The following ZFP64 variants were observed in gnomAD, a reference collection of about 807,000 sequenced individuals.
ZFP64 encodes ZFP64 zinc finger protein, also known as zinc finger protein 64.
Under a neutral mutation model 51.6 loss-of-function variants are expected in ZFP64, and 14 were observed. The observed-to-expected ratio is 0.27, with a 90% CI of 0.18 to 0.42. ZFP64 has a LOEUF of 0.42. Ranked by LOEUF, ZFP64 falls within the 10% of genes least tolerant of loss-of-function variation. The pLI, the probability that ZFP64 is intolerant of heterozygous loss-of-function variation, is 1.00. For missense variants in ZFP64, 754 were observed against 906.8 expected, an observed-to-expected ratio of 0.83 and a Z score of 2.16; for synonymous variants, 375 against 361.4, an observed-to-expected ratio of 1.04 and a Z score of -0.43.
chr20:52,165,829 C>T (rs1254041993), intron 3 of ZFP64, 35 bp downstream of exon 3: 1 of 1,613,404 alleles, frequency 6.2e-7, no homozygotes, highest in East Asian at 2.2e-5. Context: ...AAATATCACA[C>T]CCTCTACACA....
chr20:52,147,735 C>T (rs1980591176), downstream of ZFP64, among the ~76,000 whole-genome samples: 1 of 152,124 alleles, frequency 6.6e-6, no homozygotes, highest in Admixed American at 6.5e-5. Context: ...AAACACAGGA[C>T]CGGGCACCGT....
At chr20:52,190,539 G>A (rs552723171) in intron 1 of ZFP64, among the ~76,000 whole-genome samples, 158 of 152,166 alleles carry the variant, frequency 1.0e-3, no homozygotes, top group Non-Finnish European at 2.0e-3. Context: ...TACCAGCACA[G>A]TCCCCCCTCC....
chr20:52,115,603 C>CGG (rs1978822058), intron 5 of ZFP64, among the ~76,000 whole-genome samples: 1 of 151,572 alleles, frequency 6.6e-6, no homozygotes, highest in Admixed American at 6.6e-5. Flanking sequence ...TTAGTAGAGA[C>CGG]GGGGTTTCAC....
chr20:52,171,425 ATGTGTC>A lies in ZFP64; in HGVS notation c.287-5406_287-5401del, dbSNP rs1263912704. On this transcript the variant is annotated intron_variant, in intron 2 of 5. Transcript: ENST00000216923. ...TATGTGTATGCGTATGTGTATGTGT[ATGTGTC>A]TGTGTGTGCGTATGTGTGAGCATGC... 7.9e-5 allele frequency among the ~76,000 whole-genome samples: 12 copies of A among 152,082 alleles called. No individual in the cohort carries two copies. The East Asian group carries it at 1.7e-3, about 22-fold the overall frequency.
chr20:52,169,501 G>A lies in ZFP64; in HGVS notation c.287-3476C>T, dbSNP rs185815237. Among the ~76,000 whole-genome samples the A allele has an allele frequency of 1.5e-4, 23 of 152,118 alleles. No individual in the cohort carries two copies. The South Asian group carries it at 4.6e-3, about 30-fold the overall frequency. On this transcript the variant is annotated intron_variant, in intron 2 of 5. Coordinates refer to ENST00000216923, the MANE Select transcript of ZFP64 (RefSeq NM_018197.3). ...AGGTCCTCCCTACAAGTCAGCTCGC[G>A]GGCTCCTCAGCACTCTCTTGAAAGG...
intron 6 of ZFP64, chr20:52,098,400 G>T (rs200816592): frequency 1.2e-6 from 2 of 1,610,182 alleles, no homozygotes; most frequent in South Asian, 1.1e-5. Flanking sequence ...TCAGTGCTTG[G>T]CTCAGAAGCG....
At chr20:52,140,512 G>T (rs1980202957) in intron 5 of ZFP64, among the ~76,000 whole-genome samples, 1 of 152,234 alleles carries the variant, frequency 6.6e-6, no homozygotes, top group Non-Finnish European at 1.5e-5. Flanking sequence ...CCACGACATT[G>T]TCTTCAGCCA....
At chr20:52,131,308 A>G (rs2122881941) in intron 5 of ZFP64, among the ~76,000 whole-genome samples, 1 of 152,166 alleles carries the variant, frequency 6.6e-6, no homozygotes, top group Admixed American at 6.5e-5. Context: ...AGAAAAGAAG[A>G]AAGAAAAGCA....
At chr20:52,103,686 G>A (rs1360893321) in intron 5 of ZFP64, among the ~76,000 whole-genome samples, 2 of 152,130 alleles carry the variant, frequency 1.3e-5, no homozygotes, top group Non-Finnish European at 2.9e-5. Flanking sequence ...AGCATCCCCA[G>A]TACCTCCCCA....
At position 52,191,012 on chromosome 20, in the gene ZFP64, C is replaced by T. The variant is rs1984329779; in HGVS notation, c.46+579G>A. On this transcript the variant is annotated intron_variant, in intron 1 of 5. Transcript: ENST00000216923. This position sits in a 1 kb window ranked among gnomAD's most constrained non-coding sequence, Gnocchi z 4.3. ...ACAATGCACCGGGAGAAACCAGGGA[C>T]TTGAAAAACGCTGATGTCCTCCTCG... is the stretch of plus-strand genomic sequence containing the variant. Among the ~76,000 whole-genome samples, 1 of 152,124 alleles carries T rather than the reference C, an allele frequency of 6.6e-6. No homozygotes were observed. Among genetic ancestry groups the T allele is most frequent in the South Asian group, 2.1e-4 (1 of 4,820 alleles).
intron 5 of ZFP64, among the ~76,000 whole-genome samples, chr20:52,129,358 A>T: frequency 6.8e-6 from 1 of 146,942 alleles, no homozygotes. Context: ...GGGTTTTGCT[A>T]TGTTGCCCAG....
At chr20:52,099,718 G>T (rs2079030393) in intron 5 of ZFP64, among the ~76,000 whole-genome samples, 2 of 152,154 alleles carry the variant, frequency 1.3e-5, no homozygotes, top group African/African-American at 4.8e-5. Context: ...AATAATCCAG[G>T]GCAGGGAGAG....
At chr20:52,190,043 C>G (rs1364788537) in intron 1 of ZFP64, among the ~76,000 whole-genome samples, 5 of 152,158 alleles carry the variant, frequency 3.3e-5, no homozygotes, top group Non-Finnish European at 5.9e-5. Context: ...CCAGGTCTAG[C>G]TAAGACAAGA....
At chr20:52,098,303 T>C (rs1384223805) in intron 6 of ZFP64, 9 of 1,254,098 alleles carry the variant, frequency 7.2e-6, no homozygotes, top group African/African-American at 6.0e-5. Flanking sequence ...GGGAAGGCTG[T>C]TGTGTGCTGA....
downstream of ZFP64, among the ~76,000 whole-genome samples, chr20:52,147,723 G>T (rs929309124): frequency 1.3e-5 from 2 of 152,040 alleles, no homozygotes; most frequent in Non-Finnish European, 2.9e-5. Context: ...GGAATAATAA[G>T]AAAACACAGG....
At chr20:52,129,080 ATTT>A (rs529069931) in intron 5 of ZFP64, among the ~76,000 whole-genome samples, 22 of 132,708 alleles carry the variant, frequency 1.7e-4, no homozygotes, top group Non-Finnish European at 1.7e-4. Context: ...CTCCTGGCTA[ATTT>A]TTTTTTTTTT....
rs146230861 is a variant in ZFP64, at chr20:52,169,066, G to A, written c.287-3041C>T. On this transcript the variant is annotated intron_variant, in intron 2 of 5. Transcript: ENST00000216923. Reference sequence around the variant, plus strand: ...TCAGGTTTGATCATTCACTATGGATGTGACCTCAGGCCAGTTATGTAACTT... The same window carrying A: ...TCAGGTTTGATCATTCACTATGGATATGACCTCAGGCCAGTTATGTAACTT... Among the ~76,000 whole-genome samples the A allele has an allele frequency of 4.4e-3, 667 of 152,312 alleles. 8 individuals are homozygous for A. Among genetic ancestry groups the A allele is most frequent in the African/African-American group, 0.015 (631 of 41,578 alleles).
chr20:52,107,922 G>T (rs1028625472), intron 5 of ZFP64, among the ~76,000 whole-genome samples: 3 of 152,206 alleles, frequency 2.0e-5, no homozygotes, highest in Admixed American at 1.3e-4. Context: ...CACTTCCCTA[G>T]CAAGGTATAA....
At chr20:52,182,757 G>T (rs946048549) in intron 2 of ZFP64, among the ~76,000 whole-genome samples, 1 of 151,932 alleles carries the variant, frequency 6.6e-6, no homozygotes, top group Non-Finnish European at 1.5e-5. Flanking sequence ...AAACTAGGAG[G>T]ACAAAAAAGG....
Sources: gnomAD v4.1 joint callset for allele counts (sites outside exome capture counted in the v4.1 genomes callset) on GRCh38, gnomAD v4.1.1 for gene constraint, Gnocchi (gnomAD v3.1) non-coding constraint, MANE v1.5 for transcripts, NCBI Gene and HGNC (gene_info 2026-07-23, HGNC 2026-07-21) for gene names.